The following DHX8 variants were observed in gnomAD, a reference collection of about 807,000 sequenced individuals.
DHX8 encodes ATP-dependent RNA helicase DHX8.
DHX8 carries 67 observed loss-of-function variants against 140.7 expected under a neutral mutation model. That is an observed-to-expected ratio of 0.48 (90% CI 0.39 to 0.58). The LOEUF (loss-of-function observed/expected upper bound fraction) is 0.58, where lower values mean the gene tolerates loss of function less well. DHX8 is among the 20% of genes least tolerant of loss of function. The pLI is 0.00. For missense variants in DHX8, 887 were observed against 1,550.7 expected, an observed-to-expected ratio of 0.57 and a Z score of 7.19; for synonymous variants, 533 against 553.2, an observed-to-expected ratio of 0.96 and a Z score of 0.51.
chr17:43,529,317 G>A (rs1199588685), downstream of DHX8: 2 of 1,466,730 alleles, frequency 1.4e-6, no homozygotes, highest in Non-Finnish European at 1.9e-6. Flanking sequence ...GAGCACTTGA[G>A]ATTCTTGGTG....
At position 43,489,332 on chromosome 17, in the gene DHX8, T is replaced by C. The variant is rs1408391469; in HGVS notation, c.149-117T>C. On this transcript the variant is annotated intron_variant, in intron 1 of 22. Transcript: ENST00000262415. ...ATTTTCTCTCTTTACCCTTACCAGA[T>C]GGTGGTCTTTGTTTTTTATTACTGT... 4.4e-6 allele frequency: 3 copies of C among 688,518 alleles called. No homozygotes were observed. In the Admixed American group the frequency reaches 8.1e-5, roughly 19 times the overall value. The allele number at this position is 688,518 out of a possible 1,614,324, so 42.7% of individuals were successfully genotyped here. A position where few individuals can be genotyped will look rare whatever the true frequency, so the allele number is the denominator to read the frequency against.
intron 3 of DHX8, among the ~76,000 whole-genome samples, 156 bp from the exon 4 acceptor site, chr17:43,491,005 AAATT>A (rs1438888480): frequency 2.6e-5 from 4 of 152,238 alleles, no homozygotes; most frequent in African/African-American, 9.6e-5. Flanking sequence ...TTAGAAAATT[AAATT>A]ACATTTATAG....
At chr17:43,490,142 C>T (rs1370134038) in intron 2 of DHX8, among the ~76,000 whole-genome samples, 1 of 152,116 alleles carries the variant, frequency 6.6e-6, no homozygotes, top group Non-Finnish European at 1.5e-5. Flanking sequence ...AGTTCTAAAC[C>T]TTGGGAAATA....
In DHX8 at chr17:43,521,411, C is replaced by T; in HGVS notation, c.3109C>T (p.Gln1037Ter). Reference protein sequence around the residue: ...LADQKKAKFHQTEGDHLTLLA... With the variant: ...LADQKKAKFH ...AGATCAGAAGAAGGCCAAATTCCAC[C>T]AGACTGAAGGGGACCACCTCACCCT... The change falls in exon 21 of 23, where the codon CAG becomes TAG. Residue 1037 changes from glutamine (Q) to a stop codon, truncating the protein, a stop_gained. Transcript: ENST00000262415. LOFTEE classifies it high-confidence loss of function. The T allele has an allele frequency of 6.2e-7, 1 of 1,613,768 alleles. No individual in the cohort carries two copies. The highest frequency in any genetic ancestry group is 1.1e-5 in the South Asian group (1 of 91,038).
intron 9 of DHX8, 121 bp from the exon 10 acceptor site, chr17:43,498,741 G>A (rs1969017988): frequency 8.6e-6 from 6 of 697,388 alleles, no homozygotes; most frequent in Non-Finnish European, 1.4e-5. Context: ...GAGCCACCAT[G>A]CCCCACCAGG....
At position 43,492,875 on chromosome 17, in the gene DHX8, A is replaced by G. The variant is rs775790218; in HGVS notation, c.698A>G (p.Lys233Arg). The change falls in exon 6 of 23, where the codon AAA becomes AGA. Residue 233 changes from lysine (K) to arginine (R), a missense_variant. Transcript: ENST00000262415. ...AGGAGCAGGAGTCAGAGTCCCCCCA[A>G]AGACCGGAAGGACCGGGACAAATAT... is the stretch of plus-strand genomic sequence containing the variant. ...RSRSRSQSPPKDRKDRDKYGE... is the reference protein window; with the variant it reads ...RSRSRSQSPPRDRKDRDKYGE... The G allele has an allele frequency of 1.2e-5, 19 of 1,614,220 alleles. No homozygotes were observed. The highest frequency in any genetic ancestry group is 2.2e-5 in the South Asian group (2 of 91,088).
chr17:43,520,970 T>TTA, intron 20 of DHX8, 91 bp downstream of exon 20: 1 of 1,247,280 alleles, frequency 8.0e-7, no homozygotes. Context: ...TGGACTTTTT[T>TTA]TTTTTTTTTT....
chr17:43,489,108 G>T lies in DHX8; in HGVS notation c.149-341G>T, dbSNP rs34368012. Among the ~76,000 whole-genome samples, 1,203 of 151,870 alleles carry T rather than the reference G, an allele frequency of 7.9e-3. 22 individuals are homozygous for T. Among genetic ancestry groups the T allele is most frequent in the African/African-American group, 0.028 (1,165 of 41,396 alleles). On this transcript the variant is annotated intron_variant, in intron 1 of 22. Coordinates refer to ENST00000262415, the MANE Select transcript of DHX8 (RefSeq NM_004941.3). ...CAACCTCTGCCTCCCGGGTTCAAGT[G>T]ATTCTCCTGCCTCAGTCTCCCAAGT...
chr17:43,488,536 G>A (rs570385893), intron 1 of DHX8, among the ~76,000 whole-genome samples: 2 of 151,294 alleles, frequency 1.3e-5, no homozygotes, highest in African/African-American at 2.4e-5. Flanking sequence ...GCGTGAACCC[G>A]GGAGGTGGAG....
Position 43,525,413 on chromosome 17 carries a change from T to C in DHX8, c.*1566T>C. ...TCAGAAAGAGTCCGAGGGAGAGGAA[T>C]ATAGGCCAGGCAATCTGCTGGCTGC... On this transcript the variant is annotated 3_prime_UTR_variant, in exon 23 of 23. Transcript: ENST00000262415. The C allele has an allele frequency of 1.0e-6, 1 of 982,760 alleles. No individual in the cohort carries two copies. The highest frequency in any genetic ancestry group is 1.2e-6 in the Non-Finnish European group (1 of 827,570). The allele number at this position is 982,760 out of a possible 1,614,324, so 60.9% of individuals were successfully genotyped here. A position where few individuals can be genotyped will look rare whatever the true frequency, so the allele number is the denominator to read the frequency against.
At position 43,493,543 on chromosome 17, in the gene DHX8, T is replaced by G. The variant is rs1218859943; in HGVS notation, c.962T>G (p.Val321Gly). Residue 321 changes from valine (V) to glycine (G), a missense_variant, in exon 7 of 23, where the codon GTC becomes GGC. This residue lies in a region of DHX8 where 98 missense variants were observed against 152.7 expected (regional missense o/e 0.64). Transcript: ENST00000262415. Reference protein sequence around the residue: ...DVVSKGQRVKVKVLSFTGTKT... With the variant: ...DVVSKGQRVKGKVLSFTGTKT... ...GTGAGCAAAGGCCAGAGGGTCAAAG[T>G]CAAAGTGCTGTCCTTCACTGGGACC... The G allele has an allele frequency of 6.2e-7, 1 of 1,613,984 alleles. No homozygotes were observed. Among genetic ancestry groups the G allele is most frequent in the South Asian group, 1.1e-5 (1 of 91,058 alleles).
intron 19 of DHX8, 31 bp downstream of exon 19, chr17:43,520,298 T>G (rs1970314161): frequency 6.2e-7 from 1 of 1,608,524 alleles, no homozygotes; most frequent in African/African-American, 1.3e-5. Flanking sequence ...CCTGTGCTTT[T>G]GGGAAGATTC....
intron 22 of DHX8, 113 bp from the exon 23 acceptor site, chr17:43,523,515 A>C (rs1287597481): frequency 6.6e-7 from 1 of 1,505,778 alleles, no homozygotes; most frequent in Non-Finnish European, 8.9e-7. Context: ...GGTGTCAGGC[A>C]GGAGAGGTAA....
At chr17:43,512,431 G>A (rs1018853653) in intron 16 of DHX8, among the ~76,000 whole-genome samples, 1 of 151,542 alleles carries the variant, frequency 6.6e-6, no homozygotes, top group African/African-American at 2.4e-5. Context: ...ATGTTAAAGA[G>A]TTAAAATGGA....
chr17:43,535,287 G>GT (rs147845930), intron 2 of DHX8, among the ~76,000 whole-genome samples: 34,400 of 151,502 alleles, frequency 0.23, 4,096 homozygotes, highest in East Asian at 0.32. Flanking sequence ...TTTGGTTTTT[G>GT]TTTTTTTTGA....
intron 1 of DHX8, among the ~76,000 whole-genome samples, chr17:43,486,016 G>C (rs1424685027): frequency 6.6e-6 from 1 of 152,026 alleles, no homozygotes; most frequent in Admixed American, 6.6e-5. Flanking sequence ...GGCCAACATG[G>C]CGAAACGCCA....
At chr17:43,504,595 T>C (rs1438573567) in intron 11 of DHX8, 49 bp from the exon 12 acceptor site, 1 of 1,541,148 alleles carries the variant, frequency 6.5e-7, no homozygotes, top group East Asian at 2.3e-5. Context: ...TCCTGGTACA[T>C]CTTGAGGTAG....
In DHX8 at chr17:43,484,018, G is replaced by A. The variant is rs927726724; in HGVS notation, c.-20G>A. 1 of 1,613,822 alleles carries A rather than the reference G, an allele frequency of 6.2e-7. No individual in the cohort carries two copies. Among genetic ancestry groups the A allele is most frequent in the African/African-American group, 1.3e-5 (1 of 75,042 alleles). On this transcript the variant is annotated 5_prime_UTR_variant, in exon 1 of 23. Coordinates refer to ENST00000262415, the MANE Select transcript of DHX8 (RefSeq NM_004941.3). Reference sequence around the variant, plus strand: ...CTGAGCGCCGGCTGTGAGGAAGGAGGTTCTGGGCAAGCTATAGCCATGGCT... The same window carrying A: ...CTGAGCGCCGGCTGTGAGGAAGGAGATTCTGGGCAAGCTATAGCCATGGCT...
At chr17:43,508,300 A>G in intron 15 of DHX8, 39 bp from the exon 16 acceptor site, 1 of 1,587,174 alleles carries the variant, frequency 6.3e-7, no homozygotes, top group East Asian at 2.2e-5. Context: ...ACACACATAC[A>G]CACACAGAAA....
Sources: allele counts gnomAD v4.1 joint callset (sites outside exome capture counted in the v4.1 genomes callset), GRCh38; gene constraint gnomAD v4.1.1; regional missense constraint gnomAD v4.1.1; transcripts MANE v1.5; gene names NCBI Gene and HGNC (gene_info 2026-07-23, HGNC 2026-07-21).